Variants in ZFAT observed in about 807,000 individuals in gnomAD.
ZFAT encodes zinc finger and AT-hook domain containing, also known as zinc finger protein ZFAT.
Under a neutral mutation model 117.7 loss-of-function variants are expected in ZFAT, and 64 were observed. The observed-to-expected ratio is 0.54, with a 90% CI of 0.44 to 0.67. The LOEUF (loss-of-function observed/expected upper bound fraction) is 0.67. Ranked by LOEUF, ZFAT falls within the 30% of genes least tolerant of loss-of-function variation. The probability of loss-of-function intolerance (pLI) is 0.00; values close to 1 mark genes in which losing one functional copy is unlikely to be tolerated. For missense variants in ZFAT, 1,433 were observed against 1,584.5 expected (o/e 0.90, Z 1.62); for synonymous variants, 679 against 615.0 (o/e 1.10, Z -1.54).
the ZFAT span, among the ~76,000 whole-genome samples, chr8:134,831,930 C>G: frequency 6.6e-6 from 1 of 151,598 alleles, no homozygotes; most frequent in Non-Finnish European, 1.5e-5. Context: ...GGGGGCTGAG[C>G]GCCCGGTGTC....
At chr8:134,790,912 G>A in the ZFAT span, among the ~76,000 whole-genome samples, 2 of 152,256 alleles carry the variant, frequency 1.3e-5, no homozygotes, top group South Asian at 2.1e-4. Flanking sequence ...CTACTCGGGA[G>A]GCTTACATGG....
chr8:134,651,406 C>T (rs1170997379), intron 2 of ZFAT, among the ~76,000 whole-genome samples: 1 of 152,180 alleles, frequency 6.6e-6, no homozygotes, highest in African/African-American at 2.4e-5. Flanking sequence ...TGAATGACTG[C>T]TTAATGGGTA....
the ZFAT span, among the ~76,000 whole-genome samples, chr8:134,743,677 TCA>T: frequency 6.6e-6 from 1 of 152,156 alleles, no homozygotes; most frequent in Admixed American, 6.5e-5. Context: ...ATAGTGCTTT[TCA>T]CAGTCTCACA....
intron 2 of ZFAT, among the ~76,000 whole-genome samples, chr8:134,646,066 G>A (rs141210896): frequency 4.6e-4 from 70 of 152,084 alleles, no homozygotes; most frequent in African/African-American, 1.5e-3. Context: ...AAAATTAGCC[G>A]GGCGTGGTGG....
chr8:134,616,096 C>T (rs1165074351), intron 3 of ZFAT, among the ~76,000 whole-genome samples: 1 of 152,152 alleles, frequency 6.6e-6, no homozygotes, highest in Admixed American at 6.5e-5. Flanking sequence ...CTCTGGCCTA[C>T]AAAAGCAGGT....
the ZFAT span, among the ~76,000 whole-genome samples, chr8:134,790,219 C>A: frequency 6.6e-6 from 1 of 152,280 alleles, no homozygotes; most frequent in African/African-American, 2.4e-5. Context: ...TGGCCTGTAG[C>A]CCTTATATTT....
chr8:134,749,395 A>G, the ZFAT span, among the ~76,000 whole-genome samples: 7 of 152,346 alleles, frequency 4.6e-5, no homozygotes, highest in South Asian at 2.1e-4. Flanking sequence ...CAAGTTGCCA[A>G]CAAGTTTGGT....
chr8:134,500,177 A>G (rs544664318), intron 15 of ZFAT, among the ~76,000 whole-genome samples: 10 of 152,354 alleles, frequency 6.6e-5, no homozygotes, highest in Admixed American at 5.2e-4. Flanking sequence ...CCCAGGGTGA[A>G]GCTGCCTGGA....
At chr8:134,575,448 C>T (rs1011915477) in intron 10 of ZFAT, among the ~76,000 whole-genome samples, 1 of 152,128 alleles carries the variant, frequency 6.6e-6, no homozygotes, top group African/African-American at 2.4e-5. Flanking sequence ...GGTCCATAAG[C>T]CACAGGATGC....
intron 11 of ZFAT, among the ~76,000 whole-genome samples, chr8:134,549,324 C>T (rs1341393205): frequency 1.3e-5 from 2 of 151,992 alleles, no homozygotes; most frequent in African/African-American, 2.4e-5. Flanking sequence ...ACCTGTACTC[C>T]CAGCTATTCA....
At chr8:134,817,436 CAA>C in the ZFAT span, among the ~76,000 whole-genome samples, 1 of 126,838 alleles carries the variant, frequency 7.9e-6, no homozygotes, top group South Asian at 2.5e-4. Context: ...CACACACACA[CAA>C]CGCACCCTTA....
At chr8:134,645,410 T>C (rs914959723) in intron 2 of ZFAT, among the ~76,000 whole-genome samples, 1 of 152,212 alleles carries the variant, frequency 6.6e-6, no homozygotes, top group Non-Finnish European at 1.5e-5. Context: ...TTTTTTGTCA[T>C]GTTAAGAGGC....
intron 1 of ZFAT, among the ~76,000 whole-genome samples, chr8:134,690,350 G>A (rs1030735090): frequency 3.3e-5 from 5 of 152,174 alleles, no homozygotes; most frequent in Non-Finnish European, 7.3e-5. Context: ...GATGACGGAC[G>A]AATATTTTCA....
chr8:134,755,732 A>G, the ZFAT span, among the ~76,000 whole-genome samples: 1 of 150,376 alleles, frequency 6.6e-6, no homozygotes, highest in African/African-American at 2.5e-5. Flanking sequence ...GAATCACTTG[A>G]ACCCGGGAGG....
intron 9 of ZFAT, 66 bp downstream of exon 9, chr8:134,588,180 C>A: frequency 2.0e-6 from 3 of 1,489,376 alleles, no homozygotes; most frequent in Non-Finnish European, 2.7e-6. Flanking sequence ...TCTTAATGTA[C>A]TCCCAAAATG....
At chr8:134,675,835 G>A (rs1006899289) in intron 1 of ZFAT, among the ~76,000 whole-genome samples, 3 of 152,118 alleles carry the variant, frequency 2.0e-5, no homozygotes, top group Non-Finnish European at 4.4e-5. Context: ...TTCATATCCG[G>A]CCAAACTAAG....
chr8:134,741,497 G>A, the ZFAT span, among the ~76,000 whole-genome samples: 4 of 151,772 alleles, frequency 2.6e-5, no homozygotes, highest in Non-Finnish European at 5.9e-5. Flanking sequence ...TCCTTTCCAC[G>A]CCCTGGACTG....
intron 15 of ZFAT, among the ~76,000 whole-genome samples, chr8:134,486,092 A>G (rs1040630687): frequency 2.3e-4 from 35 of 152,258 alleles, no homozygotes; most frequent in African/African-American, 8.2e-4. Flanking sequence ...TGATGAATAA[A>G]GGAATTTAAA....
At chr8:134,826,866 A>C in the ZFAT span, among the ~76,000 whole-genome samples, 1 of 152,232 alleles carries the variant, frequency 6.6e-6, no homozygotes, top group Non-Finnish European at 1.5e-5. Context: ...AATAAACGGA[A>C]CAGTTTTTAC....
Sources: allele counts gnomAD v4.1 joint callset (sites outside exome capture counted in the v4.1 genomes callset), GRCh38; gene constraint gnomAD v4.1.1; transcripts MANE v1.5; gene names NCBI Gene and HGNC (gene_info 2026-07-23, HGNC 2026-07-21).